Variants in MFN2 observed in about 807,000 individuals in gnomAD.
MFN2 encodes mitofusin 2.
A neutral mutation model predicts 87.5 loss-of-function variants in MFN2; 43 were observed. The ratio of observed to expected loss-of-function variants is 0.49; its 90% CI spans 0.38 to 0.63. MFN2 has a LOEUF of 0.63. Among genes scored for constraint, MFN2 ranks in the 30% least tolerant of loss-of-function variants. The pLI, the probability that MFN2 is intolerant of heterozygous loss-of-function variation, is 0.00. For synonymous variants in MFN2, 337 were observed against 359.9 expected, an observed-to-expected ratio of 0.94 and a Z score of 0.72; for missense variants, 743 against 972.8, an observed-to-expected ratio of 0.76 and a Z score of 3.14.
intron 4 of MFN2, among the ~76,000 whole-genome samples, chr1:11,993,075 T>G (rs935435486): frequency 6.6e-6 from 1 of 151,332 alleles, no homozygotes; most frequent in African/African-American, 2.4e-5. Flanking sequence ...GCAACCAGTC[T>G]CAAGAGCTTT....
chr1:11,999,804 T>G (rs1639091806), intron 8 of MFN2, among the ~76,000 whole-genome samples: 1 of 151,580 alleles, frequency 6.6e-6, no homozygotes, highest in Admixed American at 6.6e-5. Context: ...TCCAAAAAAA[T>G]AAAGGGTAGG....
At chr1:12,002,763 T>C (rs1300005178) in intron 11 of MFN2, among the ~76,000 whole-genome samples, 1 of 152,226 alleles carries the variant, frequency 6.6e-6, no homozygotes, top group East Asian at 1.9e-4. Flanking sequence ...AAGTTAAAAT[T>C]TTAAAAAGTT....
chr1:12,010,910 C>T (rs889199736), intron 18 of MFN2, among the ~76,000 whole-genome samples: 3 of 152,202 alleles, frequency 2.0e-5, no homozygotes, highest in Admixed American at 6.5e-5. Flanking sequence ...TTCCTGCCCT[C>T]GCCCCTGACG....
chr1:12,008,809 G>A lies in MFN2; in HGVS notation c.2070-783G>A, dbSNP rs572439534. On this transcript the variant is annotated intron_variant, in intron 17 of 18. Coordinates refer to ENST00000235329, the MANE Select transcript of MFN2 (RefSeq NM_014874.4). Reference sequence around the variant, plus strand: ...CTCCTCACTTCTCAGACGGGGTGGCGGCCGGGCAGAGGCTGCAATCTCGGC... The same window carrying A: ...CTCCTCACTTCTCAGACGGGGTGGCAGCCGGGCAGAGGCTGCAATCTCGGC... Among the ~76,000 whole-genome samples the A allele has an allele frequency of 2.6e-5, 4 of 152,274 alleles. No individual in the cohort carries two copies. The South Asian group carries it at 6.2e-4, about 24-fold the overall frequency.
Position 12,004,056 on chromosome 1 carries a change from G to A in MFN2, c.1225G>A (p.Glu409Lys), listed in dbSNP as rs370736142. 1 of 1,614,174 alleles carries A rather than the reference G, an allele frequency of 6.2e-7. No homozygotes were observed. Among genetic ancestry groups the A allele is most frequent in the Non-Finnish European group, 8.5e-7 (1 of 1,180,046 alleles). ...ACTGAAATTTATTGACAAACAGCTG[G>A]AGCTCTTGGCTCAAGACTATAAGCT... Reference protein sequence around the residue: ...DRLKFIDKQLELLAQDYKLRI... With the variant: ...DRLKFIDKQLKLLAQDYKLRI... Residue 409 changes from glutamate to lysine, a missense_variant, in exon 12 of 19, where the codon GAG (glutamate) becomes AAG (lysine). By Grantham distance (56) the Glu-to-Lys change is moderately conservative. This residue lies in a region of MFN2 where 571 missense variants were observed against 670.7 expected (regional missense o/e 0.85). Transcript: ENST00000235329. The surrounding 1 kb of genome is among the most constrained non-coding windows in gnomAD (Gnocchi z 4.2).
rs148499369 is a variant in MFN2, at chr1:11,984,868, G to A, written c.-5+2754G>A. Among the ~76,000 whole-genome samples the A allele has an allele frequency of 2.4e-3, 362 of 152,330 alleles. 1 individual carries two copies. The highest frequency in any genetic ancestry group is 8.3e-3 in the African/African-American group (345 of 41,570). Reference sequence around the variant, plus strand: ...TCTTCCCCCATACCTCGCCCTAAGCGTCTCCTTATCTGTATCCTTTGCGAT... The same window carrying A: ...TCTTCCCCCATACCTCGCCCTAAGCATCTCCTTATCTGTATCCTTTGCGAT... On this transcript the variant is annotated intron_variant, in intron 2 of 18. Coordinates refer to ENST00000235329, the MANE Select transcript of MFN2 (RefSeq NM_014874.4).
At chr1:12,000,223 GCT>G (rs1238272620) in intron 8 of MFN2, among the ~76,000 whole-genome samples, 1 of 151,914 alleles carries the variant, frequency 6.6e-6, no homozygotes, top group Non-Finnish European at 1.5e-5. Context: ...ATGGAGTTTT[GCT>G]CTTGTCACCC....
At position 12,005,163 on chromosome 1, in the gene MFN2, C is replaced by A. The variant is rs141359660; in HGVS notation, c.1495+236C>A. Among the ~76,000 whole-genome samples, 665 of 152,324 alleles carry A rather than the reference C, an allele frequency of 4.4e-3. 2 individuals carry two copies. The highest frequency in any genetic ancestry group is 0.015 in the African/African-American group (637 of 41,566). ...GTGGCATGATCTTGGCTCACTGCAA[C>A]CTCTGCCACCGAGGTTCAAGCGATT... On this transcript the variant is annotated intron_variant, in intron 14 of 18. Transcript: ENST00000235329.
At chr1:11,989,652 T>C (rs569198704) in intron 3 of MFN2, among the ~76,000 whole-genome samples, 1 of 152,330 alleles carries the variant, frequency 6.6e-6, no homozygotes, top group South Asian at 2.1e-4. Flanking sequence ...GTCCGATACC[T>C]TGTAAGTAAT....
intron 18 of MFN2, among the ~76,000 whole-genome samples, chr1:12,010,922 C>T (rs1313049713): frequency 6.6e-6 from 1 of 152,154 alleles, no homozygotes; most frequent in African/African-American, 2.4e-5. Flanking sequence ...CCCCTGACGT[C>T]AGAGTCTGCA....
At chr1:12,011,035 C>T (rs183556561) in intron 18 of MFN2, among the ~76,000 whole-genome samples, 7,109 of 152,186 alleles carry the variant, frequency 0.047, 228 homozygotes, top group East Asian at 0.13. Flanking sequence ...GCCCCCCCCG[C>T]ACCCCCACCT....
rs1353769904 is a variant in MFN2, at chr1:12,004,956, G to A, written c.1495+29G>A. 6.4e-7 allele frequency: 1 copy of A among 1,554,504 alleles called. No homozygotes were observed. The highest frequency in any genetic ancestry group is 8.8e-7 in the Non-Finnish European group (1 of 1,138,182). On this transcript the variant is annotated intron_variant, in intron 14 of 18. Coordinates refer to ENST00000235329, the MANE Select transcript of MFN2 (RefSeq NM_014874.4). This position sits in a 1 kb window ranked among gnomAD's most constrained non-coding sequence, Gnocchi z 4.2. The stretch of plus-strand genomic sequence containing the variant: ...AGTGCCCATGGGGAACTGGGCAGCT[G>A]TGGCCCTGGGCTGCCCAAAGATCAG...
Position 11,987,572 on chromosome 1 carries a change from G to A in MFN2, c.-4-1593G>A, listed in dbSNP as rs150422062. Among the ~76,000 whole-genome samples the A allele has an allele frequency of 7.0e-3, 1,046 of 150,382 alleles. 6 individuals are homozygous for A. The highest frequency in any genetic ancestry group is 0.025 in the African/African-American group (1,010 of 40,752). ...TTGAACTCGGGAGGTGGTGGTTGCA[G>A]TGAGCCGAGATCATGCCACAGCACT... On this transcript the variant is annotated intron_variant, in intron 2 of 18. Coordinates refer to ENST00000235329, the MANE Select transcript of MFN2 (RefSeq NM_014874.4).
chr1:12,002,447 A>G (rs562664668), intron 11 of MFN2, among the ~76,000 whole-genome samples: 2 of 152,362 alleles, frequency 1.3e-5, no homozygotes, highest in South Asian at 4.1e-4. Flanking sequence ...TGATCTCAAC[A>G]CTTTGGGAGA....
intron 2 of MFN2, among the ~76,000 whole-genome samples, chr1:11,984,044 G>A (rs1047338162): frequency 1.3e-5 from 2 of 152,180 alleles, no homozygotes; most frequent in African/African-American, 2.4e-5. Context: ...CTCCTGGACC[G>A]GCTGAACTCC....
chr1:12,005,665 G>T, intron 14 of MFN2, 46 bp from the exon 15 acceptor site: 1 of 1,574,830 alleles, frequency 6.3e-7, no homozygotes. Context: ...CCGCTGTGGT[G>T]CAGGGCTGAG....
intron 18 of MFN2, among the ~76,000 whole-genome samples, chr1:12,011,178 A>G (rs897015467): frequency 1.3e-5 from 2 of 152,032 alleles, no homozygotes; most frequent in Admixed American, 1.3e-4. Flanking sequence ...CAGCACCTCA[A>G]CCCCTTGCTT....
chr1:11,995,242 TG>T (rs1638859107), intron 4 of MFN2, among the ~76,000 whole-genome samples: 1 of 151,916 alleles, frequency 6.6e-6, no homozygotes, highest in East Asian at 1.9e-4. Flanking sequence ...CACTCCAGCT[TG>T]GGCGAGAAAG....
intron 5 of MFN2, among the ~76,000 whole-genome samples, chr1:11,996,692 T>C (rs1034298764): frequency 2.0e-5 from 3 of 152,184 alleles, no homozygotes; most frequent in African/African-American, 7.2e-5. Flanking sequence ...CTCTGAGTTT[T>C]CTGAGAGGCA....
Sources: allele counts gnomAD v4.1 joint callset (sites outside exome capture counted in the v4.1 genomes callset), GRCh38; gene constraint gnomAD v4.1.1; regional missense constraint gnomAD v4.1.1; non-coding constraint Gnocchi (gnomAD v3.1); transcripts MANE v1.5; gene names NCBI Gene and HGNC (gene_info 2026-07-23, HGNC 2026-07-21).